LAMC1: variants seen among roughly 807,000 people sequenced by gnomAD.
The protein encoded by LAMC1 is laminin subunit gamma-1.
A neutral mutation model predicts 173.6 loss-of-function variants in LAMC1; 38 were observed. That is an observed-to-expected ratio of 0.22 (90% CI 0.17 to 0.29). The LOEUF is 0.29. Ranked by LOEUF, LAMC1 falls within the 10% of genes least tolerant of loss-of-function variation. LAMC1 has a pLI of 1.00. For synonymous variants in LAMC1, 746 were observed against 749.1 expected (o/e 1.00, Z 0.07); for missense variants, 1,824 against 2,051.8 (o/e 0.89, Z 2.14).
At chr1:183,074,291 G>A (rs927370822) in intron 1 of LAMC1, among the ~76,000 whole-genome samples, 2 of 152,100 alleles carry the variant, frequency 1.3e-5, no homozygotes, top group South Asian at 2.1e-4. Flanking sequence ...TTTTAGGGAC[G>A]TACAACTCAG....
intron 2 of LAMC1, among the ~76,000 whole-genome samples, chr1:183,104,558 C>T (rs1032309569): frequency 6.6e-6 from 1 of 152,162 alleles, no homozygotes; most frequent in Non-Finnish European, 1.5e-5. Flanking sequence ...ATGCTGTGTA[C>T]ATTATATGAA....
At chr1:183,097,867 A>AG (rs1325491406) in intron 1 of LAMC1, among the ~76,000 whole-genome samples, 1 of 152,202 alleles carries the variant, frequency 6.6e-6, no homozygotes, top group African/African-American at 2.4e-5. Flanking sequence ...GGGATATGGC[A>AG]GGGGGAGGAA....
chr1:183,050,353 C>T (rs1654385588), intron 1 of LAMC1, among the ~76,000 whole-genome samples: 1 of 146,138 alleles, frequency 6.8e-6, no homozygotes, highest in African/African-American at 2.5e-5. Flanking sequence ...GTGATCTCGG[C>T]TCACTGCAAG....
rs1257326233 is a variant in LAMC1 at position 183,116,585 on chromosome 1, C to T, written c.1337C>T (p.Ser446Phe). Reference protein sequence around the residue: ...SLTEAGCRPCSCDPSGSIDEC... With the variant: ...SLTEAGCRPCFCDPSGSIDEC... ...CATTTTTCATTGAATAGGCCATGCT[C>T]TTGTGATCCCTCTGGCAGCATAGAT... is the stretch of plus-strand genomic sequence containing the variant. The change falls in exon 7 of 28, where the codon TCT becomes TTT. Residue 446 changes from serine (S) to phenylalanine (F), a missense_variant. Physicochemically the swap from Ser to Phe is radical, Grantham distance 155. Coordinates refer to ENST00000258341, the MANE Select transcript of LAMC1 (RefSeq NM_002293.4). 1.1e-5 allele frequency: 17 copies of T among 1,605,840 alleles called. No individual in the cohort carries two copies. Among genetic ancestry groups the T allele is most frequent in the Non-Finnish European group, 1.4e-5 (17 of 1,173,280 alleles).
chr1:183,049,825 C>G lies in LAMC1; in HGVS notation c.418+25691C>G, dbSNP rs547926462. 2.7e-5 allele frequency among the ~76,000 whole-genome samples: 4 copies of G among 147,428 alleles called. No individual in the cohort carries two copies. In the South Asian group the frequency reaches 8.6e-4, roughly 32 times the overall value. Reference sequence around the variant, plus strand: ...CTCTCCCATTCTCACCAAACTAAAACAAAAAAAAAAAATCATTCTGGATTT... The same window carrying G: ...CTCTCCCATTCTCACCAAACTAAAAGAAAAAAAAAAAATCATTCTGGATTT... On this transcript the variant is annotated intron_variant, in intron 1 of 27. Coordinates refer to ENST00000258341, the MANE Select transcript of LAMC1 (RefSeq NM_002293.4).
At chr1:183,130,620 C>T in intron 19 of LAMC1, 71 bp downstream of exon 19, 1 of 1,186,552 alleles carries the variant, frequency 8.4e-7, no homozygotes, top group Non-Finnish European at 1.2e-6. Context: ...CTGTTACTGG[C>T]AGTGGAGTGC....
At chr1:183,048,298 A>G (rs1446230415) in intron 1 of LAMC1, among the ~76,000 whole-genome samples, 1 of 152,210 alleles carries the variant, frequency 6.6e-6, no homozygotes, top group African/African-American at 2.4e-5. Flanking sequence ...GAGATACGTC[A>G]TTGTCCCTCA....
At chr1:183,113,292 G>A (rs1052278463) in intron 4 of LAMC1, among the ~76,000 whole-genome samples, 1 of 152,176 alleles carries the variant, frequency 6.6e-6, no homozygotes, top group African/African-American at 2.4e-5. Context: ...ACTCCAGAGT[G>A]AGACCCTGTC....
At chr1:183,070,006 C>T (rs1216362062) in intron 1 of LAMC1, among the ~76,000 whole-genome samples, 3 of 152,102 alleles carry the variant, frequency 2.0e-5, no homozygotes, top group South Asian at 2.1e-4. Context: ...GCACAGTGCC[C>T]GGCACACAGT....
chr1:183,099,612 A>G (rs980708257), intron 1 of LAMC1, among the ~76,000 whole-genome samples: 40 of 152,016 alleles, frequency 2.6e-4, no homozygotes, highest in African/African-American at 9.6e-4. Context: ...CTGCCCCCTC[A>G]TAGCCTCCTC....
chr1:183,140,528 GTCAGTCTCTGAA>G (rs765932125), intron 27 of LAMC1, 25 bp downstream of exon 27: 3 of 1,474,676 alleles, frequency 2.0e-6, no homozygotes, highest in Middle Eastern at 3.5e-4. Context: ...AGTCATTTTT[GTCAGTCTCTGAA>G]TCTTTTGTAC....
intron 2 of LAMC1, among the ~76,000 whole-genome samples, chr1:183,104,702 G>C (rs1217025914): frequency 6.6e-6 from 1 of 152,174 alleles, no homozygotes; most frequent in Non-Finnish European, 1.5e-5. Context: ...AGTGACAAAA[G>C]ATAAGAATAT....
chr1:183,118,118 C>G lies in LAMC1; in HGVS notation c.1962C>G (p.Ile654Met), dbSNP rs781259872. The change falls in exon 11 of 28, where the codon ATC becomes ATG. Residue 654 changes from isoleucine to methionine, a missense_variant. Coordinates refer to ENST00000258341, the MANE Select transcript of LAMC1 (RefSeq NM_002293.4). ...FQKLLNNLTS[I>M]KIRGTYSERS... ...AGCTCCTAAACAACTTGACCTCTAT[C>G]AAGATACGTGGGACATACAGTGAGA... 16 of 1,605,504 alleles carry G rather than the reference C, an allele frequency of 1.0e-5. No homozygotes were observed. Among genetic ancestry groups the G allele is most frequent in the East Asian group, 2.2e-5 (1 of 44,816 alleles).
intron 1 of LAMC1, among the ~76,000 whole-genome samples, chr1:183,048,189 A>G (rs532360096): frequency 6.6e-6 from 1 of 152,338 alleles, no homozygotes; most frequent in East Asian, 1.9e-4. Flanking sequence ...CTAAATGTGA[A>G]TAGCTATTAC....
At chr1:183,051,009 A>T (rs1243517216) in intron 1 of LAMC1, among the ~76,000 whole-genome samples, 1 of 150,950 alleles carries the variant, frequency 6.6e-6, no homozygotes, top group African/African-American at 2.4e-5. Flanking sequence ...TGTTCCTCTG[A>T]GAATTACCTT....
chr1:183,113,327 G>A (rs1157442492), intron 4 of LAMC1, among the ~76,000 whole-genome samples: 2 of 152,030 alleles, frequency 1.3e-5, no homozygotes, highest in Non-Finnish European at 2.9e-5. Context: ...AAATCAAAAT[G>A]TGTTCATGAT....
intron 1 of LAMC1, among the ~76,000 whole-genome samples, chr1:183,093,187 T>C (rs1655608870): frequency 1.3e-5 from 2 of 152,126 alleles, no homozygotes; most frequent in East Asian, 3.9e-4. Flanking sequence ...TTGTTTTTAT[T>C]ACCTGTCTCC....
chr1:183,133,462 A>G lies in LAMC1; in HGVS notation c.3761A>G (p.His1254Arg), dbSNP rs770268047. ...CTGGAAAAACAAGCTGCCCGAGTAC[A>G]TGAGGAGGCCAAAAGGGCCGGTGAC... ...QDLEKQAARVHEEAKRAGDKA... is the reference protein window; with the variant it reads ...QDLEKQAARVREEAKRAGDKA... The change falls in exon 22 of 28, where the codon CAT becomes CGT. Residue 1254 changes from histidine (H) to arginine (R), a missense_variant. Coordinates refer to ENST00000258341, the MANE Select transcript of LAMC1 (RefSeq NM_002293.4). 3.7e-6 allele frequency: 6 copies of G among 1,614,144 alleles called. No homozygotes were observed. The highest frequency in any genetic ancestry group is 5.1e-6 in the Non-Finnish European group (6 of 1,179,974).
At position 183,140,245 on chromosome 1, in the gene LAMC1, C is replaced by CAAAAAA. The variant is rs56152259; in HGVS notation, c.4474-144_4474-139dup. On this transcript the variant is annotated intron_variant, in intron 26 of 27. Coordinates refer to ENST00000258341, the MANE Select transcript of LAMC1 (RefSeq NM_002293.4). ...ATATGAAGATATGCAGCAGCCCCAC[C>CAAAAAA]AAAAAAAAAAAAAAAAAAAAGCAAT... 4.2e-4 allele frequency among the ~76,000 whole-genome samples: 22 copies of CAAAAAA among 52,902 alleles called. 1 individual carries two copies. Among genetic ancestry groups the CAAAAAA allele is most frequent in the African/African-American group, 8.5e-4 (12 of 14,134 alleles). 34.7% of individuals were successfully genotyped at this position (52,902 alleles called of 152,430 possible).
Sources: allele counts gnomAD v4.1 joint callset (sites outside exome capture counted in the v4.1 genomes callset), GRCh38; gene constraint gnomAD v4.1.1; transcripts MANE v1.5; gene names NCBI Gene and HGNC (gene_info 2026-07-23, HGNC 2026-07-21).